GLIS3: variants seen among roughly 807,000 people sequenced by gnomAD.
The protein encoded by GLIS3 is zinc finger protein GLIS3.
A neutral mutation model predicts 78.6 loss-of-function variants in GLIS3; 53 were observed. That is an observed-to-expected ratio of 0.67 (90% CI 0.54 to 0.85). The LOEUF (loss-of-function observed/expected upper bound fraction) is 0.85. Ranked by LOEUF, GLIS3 falls within the 40% of genes least tolerant of loss-of-function variation. The pLI, the probability that GLIS3 is intolerant of heterozygous loss-of-function variation, is 0.00. For missense variants in GLIS3, 1,703 were observed against 1,231.1 expected, an observed-to-expected ratio of 1.38 and a Z score of -5.74; for synonymous variants, 684 against 509.9, an observed-to-expected ratio of 1.34 and a Z score of -4.60.
At chr9:4,195,634 C>T (rs1818759639) in intron 2 of GLIS3, among the ~76,000 whole-genome samples, 1 of 152,284 alleles carries the variant, frequency 6.6e-6, no homozygotes, top group Non-Finnish European at 1.5e-5. Flanking sequence ...CCCTGTTCCA[C>T]AGCGCCTGGT....
At chr9:4,068,028 T>C (rs1297825673) in intron 4 of GLIS3, among the ~76,000 whole-genome samples, 1 of 152,088 alleles carries the variant, frequency 6.6e-6, no homozygotes, top group Non-Finnish European at 1.5e-5. Context: ...GTATCTTTCC[T>C]GAAAAAATCC....
chr9:4,365,560 A>G, the GLIS3 span, among the ~76,000 whole-genome samples: 1 of 151,734 alleles, frequency 6.6e-6, no homozygotes, highest in Non-Finnish European at 1.5e-5. Context: ...CATCTCAAAA[A>G]AAAAGAAAAA....
At chr9:4,130,577 C>T (rs1443277209) in intron 2 of GLIS3, among the ~76,000 whole-genome samples, 4 of 152,232 alleles carry the variant, frequency 2.6e-5, no homozygotes, top group African/African-American at 4.8e-5. Flanking sequence ...AAACCATAGA[C>T]GACTTGGTGG....
chr9:4,412,169 G>GGT, the GLIS3 span, among the ~76,000 whole-genome samples: 1 of 152,184 alleles, frequency 6.6e-6, no homozygotes, highest in East Asian at 1.9e-4. Context: ...ACTCTTCCAA[G>GGT]AAGGCATACC....
the GLIS3 span, among the ~76,000 whole-genome samples, chr9:4,447,667 G>T: frequency 1.3e-5 from 2 of 152,138 alleles, no homozygotes; most frequent in Non-Finnish European, 2.9e-5. Context: ...TTTGCCTCCA[G>T]GTACTGCTGA....
intron 2 of GLIS3, among the ~76,000 whole-genome samples, chr9:4,199,485 A>G (rs947790221): frequency 1.0e-4 from 15 of 149,484 alleles, no homozygotes; most frequent in Non-Finnish European, 2.1e-4. Flanking sequence ...TATAAGTTAT[A>G]TATAAGTTTA....
the GLIS3 span, among the ~76,000 whole-genome samples, chr9:4,474,074 T>C: frequency 1.3e-5 from 2 of 152,190 alleles, no homozygotes; most frequent in African/African-American, 2.4e-5. Context: ...CAGAAAGTGT[T>C]TTTCTGTGTA....
chr9:4,225,278 T>A (rs1266181929), intron 2 of GLIS3, among the ~76,000 whole-genome samples: 1 of 152,196 alleles, frequency 6.6e-6, no homozygotes, highest in East Asian at 1.9e-4. Flanking sequence ...CTAGGACCTG[T>A]GACTCAAATG....
Position 4,096,601 on chromosome 9 carries a change from G to A in GLIS3, c.1710+21167C>T, listed in dbSNP as rs140261827. On this transcript the variant is annotated intron_variant, in intron 4 of 10. Transcript: ENST00000381971. ...ATCCGAATTTACTCCTAGTGTGGAC[G>A]ATTCCCTCCCTGAGCTCAGGAGAAT... Among the ~76,000 whole-genome samples the A allele has an allele frequency of 7.2e-4, 109 of 152,284 alleles. 1 individual carries two copies. In the East Asian group the frequency reaches 0.016, roughly 22 times the overall value.
chr9:4,049,823 T>G (rs920883835), intron 4 of GLIS3, among the ~76,000 whole-genome samples: 6 of 152,170 alleles, frequency 3.9e-5, no homozygotes, highest in African/African-American at 1.4e-4. Context: ...AAGACATTTA[T>G]GCAGCCAACA....
chr9:4,483,707 T>G, the GLIS3 span, among the ~76,000 whole-genome samples: 1 of 136,388 alleles, frequency 7.3e-6, no homozygotes, highest in South Asian at 2.3e-4. Context: ...GCAACACGAG[T>G]GAGACTTCGT....
At chr9:4,174,643 A>G (rs1816663531) in intron 2 of GLIS3, among the ~76,000 whole-genome samples, 1 of 152,188 alleles carries the variant, frequency 6.6e-6, no homozygotes, top group African/African-American at 2.4e-5. Flanking sequence ...AGCAGATGCT[A>G]AGTCTGTAAA....
At chr9:4,050,279 G>A (rs1005484499) in intron 4 of GLIS3, among the ~76,000 whole-genome samples, 11 of 152,204 alleles carry the variant, frequency 7.2e-5, no homozygotes, top group Non-Finnish European at 1.3e-4. Context: ...AGAAAAGGGT[G>A]AGTTCATGTC....
chr9:3,884,659 T>C (rs1420275978), intron 7 of GLIS3, among the ~76,000 whole-genome samples: 2 of 152,184 alleles, frequency 1.3e-5, no homozygotes, highest in Non-Finnish European at 2.9e-5. Context: ...TTATTGAGCA[T>C]TTATAATGTG....
intron 8 of GLIS3, 107 bp downstream of exon 8, chr9:3,879,320 A>G (rs1218725765): frequency 1.8e-6 from 2 of 1,094,198 alleles, no homozygotes; most frequent in Admixed American, 3.4e-5. Context: ...TGGGTAACTC[A>G]ACCCACCAAC....
intron 6 of GLIS3, 75 bp downstream of exon 6, chr9:3,932,285 C>A (rs974090921): frequency 1.5e-5 from 17 of 1,155,460 alleles, no homozygotes; most frequent in Non-Finnish European, 2.1e-5. Context: ...TTCAAGTGCC[C>A]TGCAGAAGCT....
intron 4 of GLIS3, among the ~76,000 whole-genome samples, chr9:4,027,315 A>G (rs1823428228): frequency 6.6e-6 from 1 of 152,252 alleles, no homozygotes; most frequent in Non-Finnish European, 1.5e-5. Flanking sequence ...AATGTAATTC[A>G]CAAACAGTGT....
chr9:4,164,487 G>T (rs747812486), intron 2 of GLIS3, among the ~76,000 whole-genome samples: 11 of 152,194 alleles, frequency 7.2e-5, no homozygotes, highest in African/African-American at 2.7e-4. Flanking sequence ...GAGTAGCACG[G>T]AGACGACAGG....
chr9:3,974,021 G>T (rs1162303008), intron 4 of GLIS3, among the ~76,000 whole-genome samples: 2 of 152,086 alleles, frequency 1.3e-5, no homozygotes, highest in Non-Finnish European at 2.9e-5. Context: ...TATGATTCCT[G>T]TAAGTGCGAA....
Sources: allele counts gnomAD v4.1 joint callset (sites outside exome capture counted in the v4.1 genomes callset), GRCh38; gene constraint gnomAD v4.1.1; transcripts MANE v1.5; gene names NCBI Gene and HGNC (gene_info 2026-07-23, HGNC 2026-07-21).